RPN1: variants seen among roughly 807,000 people sequenced by gnomAD.
The protein encoded by RPN1 is ribophorin I, also known as dolichyl-diphosphooligosaccharide--protein glycosyltransferase subunit 1.
Under a neutral mutation model 55.5 loss-of-function variants are expected in RPN1, and 12 were observed. The ratio of observed to expected loss-of-function variants is 0.22; its 90% CI spans 0.14 to 0.35. The LOEUF (loss-of-function observed/expected upper bound fraction) is 0.35. Ranked by LOEUF, RPN1 falls within the 10% of genes least tolerant of loss-of-function variation. The probability of loss-of-function intolerance (pLI) is 1.00; values close to 1 mark genes in which losing one functional copy is unlikely to be tolerated. For missense variants in RPN1, 679 were observed against 761.3 expected, an observed-to-expected ratio of 0.89 and a Z score of 1.27; for synonymous variants, 317 against 305.9, an observed-to-expected ratio of 1.04 and a Z score of -0.38.
chr3:128,622,131 A>G (rs948622195), intron 9 of RPN1, 33 bp downstream of exon 9: 1 of 1,610,512 alleles, frequency 6.2e-7, no homozygotes, highest in Admixed American at 1.7e-5. Flanking sequence ...GGAGGGCCCC[A>G]AGCCAAGCAA....
Position 128,626,026 on chromosome 3 carries a change from G to C in RPN1, c.1137-14C>G. ...ATTTCAATGTTCCTGGAAGAAGATGGGAATAAAATATAGCCTCCAACCAAC... is the reference window on the plus strand; with the variant it reads ...ATTTCAATGTTCCTGGAAGAAGATGCGAATAAAATATAGCCTCCAACCAAC... On this transcript the variant is annotated splice_polypyrimidine_tract_variant and intron_variant, in intron 6 of 9. Coordinates refer to ENST00000296255, the MANE Select transcript of RPN1 (RefSeq NM_002950.4). 6.3e-7 allele frequency: 1 copy of C among 1,589,232 alleles called. No homozygotes were observed. The highest frequency in any genetic ancestry group is 8.6e-7 in the Non-Finnish European group (1 of 1,169,028).
At chr3:128,630,769 C>T (rs2069635170) in intron 4 of RPN1, among the ~76,000 whole-genome samples, 1 of 152,158 alleles carries the variant, frequency 6.6e-6, no homozygotes, top group African/African-American at 2.4e-5. Flanking sequence ...GTTTGGGTGG[C>T]GCAGTACTAT....
intron 1 of RPN1, among the ~76,000 whole-genome samples, chr3:128,649,895 C>G (rs376433929): frequency 1.4e-4 from 22 of 152,276 alleles, no homozygotes; most frequent in African/African-American, 5.3e-4. Flanking sequence ...ATTTAGAAAG[C>G]GTTCACTAGG....
At chr3:128,621,778 T>G (rs2069561422) in intron 9 of RPN1, among the ~76,000 whole-genome samples, 2 of 152,176 alleles carry the variant, frequency 1.3e-5, no homozygotes, top group African/African-American at 4.8e-5. Flanking sequence ...TTAGGTGACT[T>G]GGCCAGGTTT....
At chr3:128,649,395 T>C (rs2107723854) in intron 1 of RPN1, among the ~76,000 whole-genome samples, 1 of 152,324 alleles carries the variant, frequency 6.6e-6, no homozygotes, top group South Asian at 2.1e-4. Context: ...CATTCAAAGA[T>C]GGCAAGGCAA....
At chr3:128,622,940 T>G (rs370218771) in intron 8 of RPN1, among the ~76,000 whole-genome samples, 2 of 150,644 alleles carry the variant, frequency 1.3e-5, no homozygotes, top group East Asian at 3.9e-4. Context: ...CACTTCACAG[T>G]CCAGTAAGGC....
chr3:128,632,451 C>T (rs2069649143), intron 3 of RPN1, among the ~76,000 whole-genome samples: 1 of 152,162 alleles, frequency 6.6e-6, no homozygotes. Flanking sequence ...ATTATCTCAT[C>T]TCATTCTCAA....
chr3:128,648,603 CA>C (rs1016567006), intron 1 of RPN1, among the ~76,000 whole-genome samples: 1 of 152,048 alleles, frequency 6.6e-6, no homozygotes, highest in Admixed American at 6.6e-5. Context: ...AAAAACATTT[CA>C]GCAACCTCAT....
In RPN1 at chr3:128,650,457, G is replaced by A. The variant is rs1033015198; in HGVS notation, c.261+83C>T. On this transcript the variant is annotated intron_variant, in intron 1 of 9. Transcript: ENST00000296255. ...TCTCCGCATTTCCTGAGGCCTAGAG[G>A]GGCGCGGGCGGAGTCGGGGGACCGC... The A allele has an allele frequency of 8.0e-6, 11 of 1,373,548 alleles. No homozygotes were observed. The East Asian group carries it at 1.0e-4, about 13-fold the overall frequency. The allele number at this position is 1,373,548 out of a possible 1,614,324, so 85.1% of individuals were successfully genotyped here.
At chr3:128,637,604 T>G (rs1006924583) in intron 3 of RPN1, among the ~76,000 whole-genome samples, 195 bp downstream of exon 3, 9 of 152,114 alleles carry the variant, frequency 5.9e-5, no homozygotes, top group African/African-American at 1.9e-4. Flanking sequence ...ACCCCTAGCC[T>G]CTACCTGTGA....
intron 8 of RPN1, among the ~76,000 whole-genome samples, chr3:128,623,097 G>A (rs1352266738): frequency 7.2e-5 from 11 of 151,992 alleles, no homozygotes. Context: ...CACCACAAAT[G>A]TCAAGGTTAT....
intron 2 of RPN1, among the ~76,000 whole-genome samples, chr3:128,640,029 G>A (rs1474808127): frequency 5.9e-5 from 9 of 151,994 alleles, no homozygotes; most frequent in African/African-American, 1.9e-4. Context: ...AAAATTAGCC[G>A]GGCGTGGTGG....
chr3:128,626,928 T>G, intron 5 of RPN1, 96 bp from the exon 6 acceptor site: 2 of 1,176,714 alleles, frequency 1.7e-6, no homozygotes, highest in Non-Finnish European at 2.5e-6. Flanking sequence ...ACAGAGCAAG[T>G]AGACAGCAAA....
At chr3:128,639,109 T>G (rs2069705632) in intron 2 of RPN1, among the ~76,000 whole-genome samples, 2 of 152,136 alleles carry the variant, frequency 1.3e-5, no homozygotes, top group South Asian at 4.1e-4. Flanking sequence ...CCATGTACAA[T>G]GTAAATAACG....
intron 2 of RPN1, among the ~76,000 whole-genome samples, chr3:128,640,476 G>A (rs1389479962): frequency 6.6e-6 from 1 of 152,098 alleles, no homozygotes; most frequent in African/African-American, 2.4e-5. Flanking sequence ...CTTCTCCTCA[G>A]GACAGTCTTA....
At chr3:128,638,240 G>T in intron 2 of RPN1, 135 bp from the exon 3 acceptor site, 1 of 647,878 alleles carries the variant, frequency 1.5e-6, no homozygotes, top group Non-Finnish European at 2.6e-6. Context: ...TTTCCTTTTT[G>T]AGATGGAGTC....
intron 2 of RPN1, among the ~76,000 whole-genome samples, chr3:128,644,047 G>C (rs1276868194): frequency 6.6e-6 from 1 of 152,210 alleles, no homozygotes; most frequent in Non-Finnish European, 1.5e-5. Flanking sequence ...CTTCAAAGAA[G>C]TTACCACTTT....
chr3:128,623,172 A>C (rs2069573023), intron 8 of RPN1, among the ~76,000 whole-genome samples: 1 of 152,160 alleles, frequency 6.6e-6, no homozygotes, highest in Non-Finnish European at 1.5e-5. Context: ...TGGGCAGCTG[A>C]GGCAGGAGGA....
intron 9 of RPN1, 138 bp from the exon 10 acceptor site, chr3:128,620,731 A>G: frequency 2.3e-6 from 2 of 875,992 alleles, no homozygotes; most frequent in Non-Finnish European, 3.4e-6. Flanking sequence ...ACAGTGTCCC[A>G]GGGCAGCAGG....
Sources: allele counts gnomAD v4.1 joint callset (sites outside exome capture counted in the v4.1 genomes callset), GRCh38; gene constraint gnomAD v4.1.1; transcripts MANE v1.5; gene names NCBI Gene and HGNC (gene_info 2026-07-23, HGNC 2026-07-21).